Variants in SLC8B1 observed in about 807,000 individuals in gnomAD.
SLC8B1 encodes mitochondrial sodium/calcium exchanger protein.
Under a neutral mutation model 63.4 loss-of-function variants are expected in SLC8B1, and 52 were observed. The observed-to-expected ratio is 0.82, with a 90% CI of 0.66 to 1.03. The LOEUF (loss-of-function observed/expected upper bound fraction) is 1.03, where lower values mean the gene tolerates loss of function less well. SLC8B1 is among the 50% of genes least tolerant of loss of function. The pLI, the probability that SLC8B1 is intolerant of heterozygous loss-of-function variation, is 0.00. For synonymous variants in SLC8B1, 336 were observed against 323.9 expected (o/e 1.04, Z -0.40); for missense variants, 657 against 741.7 (o/e 0.89, Z 1.33).
intron 2 of SLC8B1, among the ~76,000 whole-genome samples, chr12:113,327,053 G>C (rs746832729): frequency 1.2e-4 from 18 of 152,140 alleles, no homozygotes; most frequent in Admixed American, 5.9e-4. Context: ...GGGAGGGGGA[G>C]GGTTTCAGTC....
At chr12:113,317,105 T>A in intron 8 of SLC8B1, 104 bp from the exon 9 acceptor site, 1 of 976,462 alleles carries the variant, frequency 1.0e-6, no homozygotes. Context: ...CCATCTTATT[T>A]ACTTAGTTAT....
intron 15 of SLC8B1, chr12:113,302,292 G>A (rs980083685): frequency 2.0e-5 from 4 of 196,692 alleles, no homozygotes; most frequent in Admixed American, 5.5e-5. Context: ...TGCAGAGATG[G>A]GCCCACTGGG....
rs1957101299 is a variant in SLC8B1 at position 113,334,440 on chromosome 12, T to TA, written c.-83+2dup. 1.3e-5 allele frequency: 2 copies of TA among 152,100 alleles called. No individual in the cohort carries two copies. The highest frequency in any genetic ancestry group is 4.8e-5 in the African/African-American group (2 of 41,406). 9.4% of individuals were successfully genotyped at this position (152,100 alleles called of 1,614,324 possible). A position where few individuals can be genotyped will look rare whatever the true frequency, so the allele number is the denominator to read the frequency against. ...AGGCGCCTGTCCCAGCCAGGTTCCT[T>TA]ACCTGTCCACGGAAGACACGGCCCT... On this transcript the variant is annotated splice_region_variant and intron_variant, in intron 1 of 15. Coordinates refer to ENST00000680972, the MANE Select transcript of SLC8B1 (RefSeq NM_001358345.2).
Position 113,320,770 on chromosome 12 carries a change from G to A in SLC8B1, c.420+80C>T, listed in dbSNP as rs373707613. ...ACCCTATCCCCCAGCTTCCCCACAC[G>A]GGGATAGACATGACCCTATCTCCCA... is the stretch of plus-strand genomic sequence containing the variant. On this transcript the variant is annotated intron_variant, in intron 5 of 15. Transcript: ENST00000680972. The surrounding 1 kb of genome is among the most constrained non-coding windows in gnomAD (Gnocchi z 5.3). 7.9e-4 allele frequency: 1,243 copies of A among 1,576,988 alleles called. No individual in the cohort carries two copies. Among genetic ancestry groups the A allele is most frequent in the Non-Finnish European group, 9.4e-4 (1,091 of 1,160,836 alleles).
In SLC8B1 at chr12:113,319,089, G is replaced by A. The variant is rs375130242; in HGVS notation, c.695-18C>T. On this transcript the variant is annotated intron_variant, in intron 7 of 15. Transcript: ENST00000680972. ...CAGGTAACCTGCAGACGGGGTGCAC[G>A]CCGTCACCAAGTGGTGTCCTGGTGC... The A allele has an allele frequency of 2.4e-5, 38 of 1,572,086 alleles. No individual in the cohort carries two copies. Among genetic ancestry groups the A allele is most frequent in the Non-Finnish European group, 3.2e-5 (36 of 1,141,988 alleles).
At chr12:113,322,586 T>C (rs1956945403) in intron 2 of SLC8B1, among the ~76,000 whole-genome samples, 1 of 152,154 alleles carries the variant, frequency 6.6e-6, no homozygotes, top group Non-Finnish European at 1.5e-5. Flanking sequence ...CTCCAGAAGC[T>C]GACTCAGAGA....
At chr12:113,318,421 T>C (rs537983074) in intron 8 of SLC8B1, among the ~76,000 whole-genome samples, 32 of 147,430 alleles carry the variant, frequency 2.2e-4, no homozygotes, top group African/African-American at 8.6e-4. Context: ...TATTTGTATG[T>C]GTGTTGTGTG....
At position 113,310,456 on chromosome 12, in the gene SLC8B1, C is replaced by T. The variant is rs917358909; in HGVS notation, c.1136-101G>A. On this transcript the variant is annotated intron_variant, in intron 11 of 15. Coordinates refer to ENST00000680972, the MANE Select transcript of SLC8B1 (RefSeq NM_001358345.2). ...AGGTAGACACTTCCTATCTGCCCAG[C>T]CCTGTCCTAGACACTTCATGGGGGC... The T allele has an allele frequency of 3.1e-5, 47 of 1,493,514 alleles. 1 individual carries two copies. In the South Asian group the frequency reaches 6.1e-4, roughly 19 times the overall value. 92.5% of individuals were successfully genotyped at this position (1,493,514 alleles called of 1,614,324 possible).
chr12:113,306,066 C>CAAAGAAAAAAAAAA (rs1956669038), intron 14 of SLC8B1, among the ~76,000 whole-genome samples: 1 of 18,088 alleles, frequency 5.5e-5, no homozygotes, highest in Non-Finnish European at 1.2e-4. Flanking sequence ...CCCCACCCTG[C>CAAAGAAAAAAAAAA]AAAAAAAAAA....
At position 113,316,543 on chromosome 12, in the gene SLC8B1, C is replaced by A. The variant is rs1331101038; in HGVS notation, c.976G>T (p.Ala326Ser). 10 of 1,614,130 alleles carry A rather than the reference C, an allele frequency of 6.2e-6. No individual in the cohort carries two copies. Among genetic ancestry groups the A allele is most frequent in the Non-Finnish European group, 7.6e-6 (9 of 1,179,982 alleles). Residue 326 changes from alanine to serine, a missense_variant, in exon 10 of 16, where the codon GCC becomes TCC. Physicochemically the swap from Ala to Ser is moderately conservative, Grantham distance 99. Coordinates refer to ENST00000680972, the MANE Select transcript of SLC8B1 (RefSeq NM_001358345.2). ...CCTCCTACCTTGAACACCTTGAGGG[C>A]TTTCCAGTATGCTGATTTCCTTCTC... ...KWRRKSAYWKALKVFKLPVEF... is the reference protein window; with the variant it reads ...KWRRKSAYWKSLKVFKLPVEF...
intron 1 of SLC8B1, 36 bp downstream of exon 1, chr12:113,334,407 G>A (rs576387937): frequency 6.6e-6 from 1 of 152,098 alleles, no homozygotes. Flanking sequence ...GGGGAAGAGA[G>A]GTCAGAAAGG....
At chr12:113,329,413 C>G (rs1005680294) in intron 2 of SLC8B1, among the ~76,000 whole-genome samples, 1 of 152,168 alleles carries the variant, frequency 6.6e-6, no homozygotes, top group Non-Finnish European at 1.5e-5. Context: ...TCCCTGTCCT[C>G]GGGGTCAGCT....
Position 113,316,959 on chromosome 12 carries a change from G to T in SLC8B1, c.845C>A (p.Thr282Asn). 4 of 1,613,648 alleles carry T rather than the reference G, an allele frequency of 2.5e-6. No homozygotes were observed. The highest frequency in any genetic ancestry group is 3.4e-6 in the Non-Finnish European group (4 of 1,179,880). ...GGACTCACCGTAGTCATAGCTGTTGGTATTAGAAGATACCCGGTCCTCCTC... is the reference window on the plus strand; with the variant it reads ...GGACTCACCGTAGTCATAGCTGTTGTTATTAGAAGATACCCGGTCCTCCTC... Reference protein sequence around the residue: ...DSEEDRVSSNTNSYDYGDEYR... With the variant: ...DSEEDRVSSNNNSYDYGDEYR... Residue 282 changes from threonine (T) to asparagine (N), a missense_variant, in exon 9 of 16, where the codon ACC becomes AAC. Physicochemically the swap from Thr to Asn is moderately conservative, Grantham distance 65 (BLOSUM62 0). Transcript: ENST00000680972.
At chr12:113,310,047 A>C (rs764866903) in intron 12 of SLC8B1, among the ~76,000 whole-genome samples, 187 bp downstream of exon 12, 1 of 88,710 alleles carries the variant, frequency 1.1e-5, no homozygotes, top group Non-Finnish European at 2.1e-5. Flanking sequence ...AGCTATTACC[A>C]AAAAAAAAAA....
chr12:113,304,433 C>A, intron 14 of SLC8B1, 48 bp from the exon 15 acceptor site: 1 of 1,544,984 alleles, frequency 6.5e-7, no homozygotes, highest in Non-Finnish European at 8.9e-7. Context: ...GCACATAACC[C>A]AACCACATAG....
intron 2 of SLC8B1, among the ~76,000 whole-genome samples, chr12:113,331,568 C>T (rs534563038): frequency 1.3e-5 from 2 of 152,176 alleles, no homozygotes; most frequent in African/African-American, 4.8e-5. Flanking sequence ...CTGGATGCTT[C>T]CTGCCCTCAA....
chr12:113,307,663 C>G (rs376783718), intron 13 of SLC8B1, 28 bp downstream of exon 13: 5 of 1,604,834 alleles, frequency 3.1e-6, no homozygotes, highest in Non-Finnish European at 4.3e-6. Context: ...CACTCACCCC[C>G]ACTCAACCCC....
rs1956549320 is a variant in SLC8B1 at position 113,299,848 on chromosome 12, G to A, written c.1684C>T (p.Leu562Phe). Residue 562 changes from leucine (L) to phenylalanine (F), a missense_variant, in exon 16 of 16, where the codon CTC (leucine) becomes TTC (phenylalanine). By Grantham distance (22) the Leu-to-Phe change is conservative. Transcript: ENST00000680972. ...ACGACAAGGAAGTTCAGGTAGAAGA[G>A]GAGCAGGCAGAAGCCATAGACTCTG... ...LSRVYGFCLL[L>F]FYLNFLVVAL... The A allele has an allele frequency of 6.2e-7, 1 of 1,614,232 alleles. No individual in the cohort carries two copies. Among genetic ancestry groups the A allele is most frequent in the Non-Finnish European group, 8.5e-7 (1 of 1,180,040 alleles).
intron 1 of SLC8B1, among the ~76,000 whole-genome samples, chr12:113,333,634 A>C (rs1307892906): frequency 6.6e-6 from 1 of 151,954 alleles, no homozygotes; most frequent in Non-Finnish European, 1.5e-5. Flanking sequence ...CCTCAGAACA[A>C]TTCTGGAAAT....
Sources: gnomAD v4.1 joint callset for allele counts (sites outside exome capture counted in the v4.1 genomes callset) on GRCh38, gnomAD v4.1.1 for gene constraint, Gnocchi (gnomAD v3.1) non-coding constraint, MANE v1.5 for transcripts, NCBI Gene and HGNC (gene_info 2026-07-23, HGNC 2026-07-21) for gene names.